VAV1: variants seen among roughly 807,000 people sequenced by gnomAD.
VAV1 encodes the protein vav guanine nucleotide exchange factor 1.
A neutral mutation model predicts 128.1 loss-of-function variants in VAV1; 33 were observed. The ratio of observed to expected loss-of-function variants is 0.26; its 90% CI spans 0.20 to 0.34. The LOEUF (loss-of-function observed/expected upper bound fraction) is 0.34. Ranked by LOEUF, VAV1 falls within the 10% of genes least tolerant of loss-of-function variation. VAV1 has a pLI of 1.00. For missense variants in VAV1, 715 were observed against 1,093.7 expected, an observed-to-expected ratio of 0.65 and a Z score of 4.88; for synonymous variants, 394 against 409.8, an observed-to-expected ratio of 0.96 and a Z score of 0.47.
In VAV1 at chr19:6,820,163, A is replaced by G. The variant is rs980719891; in HGVS notation, c.205-539A>G. Among the ~76,000 whole-genome samples, 5 of 152,310 alleles carry G rather than the reference A, an allele frequency of 3.3e-5. No homozygotes were observed. Among genetic ancestry groups the G allele is most frequent in the South Asian group, 2.1e-4 (1 of 4,828 alleles). ...GCGAGACCTCGTCTCTACAAAAAAT[A>G]CAGAAATTAGCTGGGTGTTGCGACA... On this transcript the variant is annotated intron_variant, in intron 1 of 26. Transcript: ENST00000602142. This position sits in a 1 kb window ranked among gnomAD's most constrained non-coding sequence, Gnocchi z 4.4.
At chr19:6,831,726 A>G (rs943318543) in intron 14 of VAV1, among the ~76,000 whole-genome samples, 5 of 152,132 alleles carry the variant, frequency 3.3e-5, no homozygotes, top group African/African-American at 1.2e-4. Flanking sequence ...ACCACATCCT[A>G]TTCACTGCTC....
intron 1 of VAV1, among the ~76,000 whole-genome samples, chr19:6,814,663 CCTTCCTTCCTTT>C (rs1246919552): frequency 0.011 from 284 of 26,414 alleles, no homozygotes; most frequent in Non-Finnish European, 0.016. Context: ...TTCCTTCCTT[CCTTCCTTCCTTT>C]CTTTCTTTCT....
chr19:6,847,924 G>C, intron 22 of VAV1, 74 bp from the exon 23 acceptor site: 1 of 1,343,312 alleles, frequency 7.4e-7, no homozygotes, highest in Middle Eastern at 2.8e-4. Flanking sequence ...AGGGGGAAAG[G>C]CAACCTCCAT....
At chr19:6,836,855 CA>C in intron 20 of VAV1, 129 bp from the exon 21 acceptor site, 1 of 51,610 alleles carries the variant, frequency 1.9e-5, no homozygotes, top group Non-Finnish European at 1.4e-4. Context: ...CACACACACA[CA>C]CACACACACA....
In VAV1 at chr19:6,820,910, C is replaced by A; in HGVS notation, c.321+92C>A. The A allele has an allele frequency of 1.7e-6, 2 of 1,191,854 alleles. No homozygotes were observed. Among genetic ancestry groups the A allele is most frequent in the Non-Finnish European group, 2.5e-6 (2 of 806,766 alleles). The allele number at this position is 1,191,854 out of a possible 1,614,324, so 73.8% of individuals were successfully genotyped here. On this transcript the variant is annotated intron_variant, in intron 2 of 26. Coordinates refer to ENST00000602142, the MANE Select transcript of VAV1 (RefSeq NM_005428.4). The surrounding 1 kb of genome is among the most constrained non-coding windows in gnomAD (Gnocchi z 4.4). ...AAGCTAAGGACTGTCAGGGGACAGG[C>A]AGACAAGCCAGACCAGGCCATATAC...
At chr19:6,814,690 T>TTCTC in intron 1 of VAV1, among the ~76,000 whole-genome samples, 1 of 123,214 alleles carries the variant, frequency 8.1e-6, no homozygotes, top group African/African-American at 3.7e-5. Flanking sequence ...CTTTCTTTCT[T>TTCTC]TCTTTCTTTC....
At chr19:6,776,204 C>T (rs916927892) in intron 1 of VAV1, among the ~76,000 whole-genome samples, 14 of 148,400 alleles carry the variant, frequency 9.4e-5, no homozygotes, top group South Asian at 2.2e-4. Context: ...ACTCCTCCAT[C>T]CATCTGCTCA....
At position 6,852,904 on chromosome 19, in the gene VAV1, G is replaced by A. The variant is rs1044395738; in HGVS notation, c.2218-61G>A. On this transcript the variant is annotated intron_variant, in intron 24 of 26. Transcript: ENST00000602142. Reference sequence around the variant, plus strand: ...GAGGAGTTGCATATGGCTGTTCCTAGCTCTGCCCCCTTATGGGCTGGCCCG... The same window carrying A: ...GAGGAGTTGCATATGGCTGTTCCTAACTCTGCCCCCTTATGGGCTGGCCCG... 49 of 1,428,148 alleles carry A rather than the reference G, an allele frequency of 3.4e-5. No individual in the cohort carries two copies. In the African/African-American group the frequency reaches 6.5e-4, roughly 19 times the overall value. 88.5% of individuals were successfully genotyped at this position (1,428,148 alleles called of 1,614,324 possible).
intron 1 of VAV1, among the ~76,000 whole-genome samples, chr19:6,797,861 C>T (rs1971173776): frequency 6.6e-6 from 1 of 151,822 alleles, no homozygotes. Flanking sequence ...CCCCCACCCA[C>T]TCCCTAAGCT....
chr19:6,774,744 G>T (rs1047697898), intron 1 of VAV1, among the ~76,000 whole-genome samples: 1 of 149,106 alleles, frequency 6.7e-6, no homozygotes, highest in Non-Finnish European at 1.5e-5. Flanking sequence ...TGCTCCTTCT[G>T]TTTTTTTTTA....
At chr19:6,782,266 GT>G (rs1306437073) in intron 1 of VAV1, among the ~76,000 whole-genome samples, 2 of 151,876 alleles carry the variant, frequency 1.3e-5, no homozygotes, top group East Asian at 3.8e-4. Context: ...GGAGGCGGAG[GT>G]TGTAGTGAGC....
At chr19:6,833,151 CTTTT>C (rs78698684) in intron 15 of VAV1, 29 bp from the exon 16 acceptor site, 29 of 1,419,362 alleles carry the variant, frequency 2.0e-5, no homozygotes, top group East Asian at 4.7e-5. Context: ...TACTGACCTT[CTTTT>C]TTTTTTTTTT....
At chr19:6,843,957 G>GCAT (rs1271915342) in intron 22 of VAV1, among the ~76,000 whole-genome samples, 2 of 151,102 alleles carry the variant, frequency 1.3e-5, no homozygotes, top group Admixed American at 1.3e-4. Context: ...AATTGCTGGC[G>GCAT]CATCAGCTAT....
In VAV1 at chr19:6,853,932, G is replaced by A; in HGVS notation, c.2333-15G>A. ...TGCCCCAGACCCTTTTCTCACTTCT[G>A]TTCTCTCTCCACAGTGGGAAGCACA... is the stretch of plus-strand genomic sequence containing the variant. On this transcript the variant is annotated splice_polypyrimidine_tract_variant and intron_variant, in intron 25 of 26. Transcript: ENST00000602142. 2 of 1,606,814 alleles carry A rather than the reference G, an allele frequency of 1.2e-6. No homozygotes were observed. The highest frequency in any genetic ancestry group is 1.7e-5 in the Admixed American group (1 of 60,014).
At chr19:6,831,290 C>T (rs1972047739) in intron 14 of VAV1, among the ~76,000 whole-genome samples, 1 of 152,004 alleles carries the variant, frequency 6.6e-6, no homozygotes, top group African/African-American at 2.4e-5. Flanking sequence ...CCCTGGAGTT[C>T]CCCCTGTGCT....
chr19:6,852,025 A>AC (rs1172703948), intron 24 of VAV1, among the ~76,000 whole-genome samples: 9 of 152,154 alleles, frequency 5.9e-5, no homozygotes, highest in African/African-American at 1.7e-4. Flanking sequence ...CTTTAAAAAA[A>AC]ATACAAGAGA....
intron 1 of VAV1, among the ~76,000 whole-genome samples, chr19:6,798,608 G>T (rs1353164602): frequency 6.6e-6 from 1 of 152,048 alleles, no homozygotes; most frequent in African/African-American, 2.4e-5. Flanking sequence ...AGCCAGGATT[G>T]CACCACTGCA....
chr19:6,830,886 G>C (rs558843688), intron 14 of VAV1, among the ~76,000 whole-genome samples: 1 of 152,212 alleles, frequency 6.6e-6, no homozygotes, highest in African/African-American at 2.4e-5. Flanking sequence ...CCAGGAGTTT[G>C]AGATCAGCCT....
chr19:6,807,573 C>T (rs572234624), intron 1 of VAV1, among the ~76,000 whole-genome samples: 40 of 152,080 alleles, frequency 2.6e-4, no homozygotes, highest in African/African-American at 5.3e-4. Context: ...GACCATGGAC[C>T]GGTACCAGGA....
Sources: allele counts gnomAD v4.1 joint callset (sites outside exome capture counted in the v4.1 genomes callset), GRCh38; gene constraint gnomAD v4.1.1; non-coding constraint Gnocchi (gnomAD v3.1); transcripts MANE v1.5; gene names NCBI Gene and HGNC (gene_info 2026-07-23, HGNC 2026-07-21).